Variants in TXNDC16 observed in about 807,000 individuals in gnomAD.
The protein encoded by TXNDC16 is thioredoxin domain-containing protein 16.
A neutral mutation model predicts 85.6 loss-of-function variants in TXNDC16; 74 were observed. That is an observed-to-expected ratio of 0.86 (90% CI 0.72 to 1.05). TXNDC16 has a LOEUF of 1.05. Among genes scored for constraint, TXNDC16 ranks in the 50% least tolerant of loss-of-function variants. TXNDC16 has a pLI of 0.00. For synonymous variants in TXNDC16, 335 were observed against 326.5 expected, an observed-to-expected ratio of 1.03 and a Z score of -0.28; for missense variants, 959 against 947.0, an observed-to-expected ratio of 1.01 and a Z score of -0.17.
intron 16 of TXNDC16, among the ~76,000 whole-genome samples, chr14:52,459,736 T>A (rs902776767): frequency 1.3e-5 from 2 of 152,196 alleles, no homozygotes; most frequent in Non-Finnish European, 1.5e-5. Flanking sequence ...GTAGGCTTCA[T>A]CCCTGGGATG....
chr14:52,438,884 T>C (rs546353492), intron 20 of TXNDC16, among the ~76,000 whole-genome samples: 9 of 152,328 alleles, frequency 5.9e-5, no homozygotes, highest in South Asian at 2.1e-4. Flanking sequence ...ATGAAATACT[T>C]ATGCTTTGGT....
At chr14:52,542,270 A>G in intron 4 of TXNDC16, 101 bp downstream of exon 4, 1 of 770,886 alleles carries the variant, frequency 1.3e-6, no homozygotes, top group Non-Finnish European at 2.1e-6. Context: ...TCCAGTTTGG[A>G]AAAAGATATG....
At chr14:52,474,027 G>A (rs2140135977) in intron 14 of TXNDC16, among the ~76,000 whole-genome samples, 1 of 152,216 alleles carries the variant, frequency 6.6e-6, no homozygotes, top group East Asian at 1.9e-4. Context: ...TCTGATATCT[G>A]ATTACCAAAA....
At chr14:52,477,517 G>T (rs1433399424) in intron 14 of TXNDC16, among the ~76,000 whole-genome samples, 1 of 152,100 alleles carries the variant, frequency 6.6e-6, no homozygotes, top group South Asian at 2.1e-4. Context: ...GCGAGCAGGG[G>T]TAGCTATTCT....
intron 9 of TXNDC16, among the ~76,000 whole-genome samples, chr14:52,492,753 G>A (rs1473689979): frequency 6.6e-6 from 1 of 152,134 alleles, no homozygotes; most frequent in African/African-American, 2.4e-5. Context: ...CAGTCAGGGG[G>A]CAGAAATGTC....
intron 14 of TXNDC16, among the ~76,000 whole-genome samples, chr14:52,477,432 C>G (rs1159218959): frequency 2.6e-5 from 4 of 152,042 alleles, no homozygotes; most frequent in African/African-American, 9.7e-5. Flanking sequence ...AAGAGACACA[C>G]CTAACACATA....
At chr14:52,497,247 C>T (rs1012427293) in intron 9 of TXNDC16, among the ~76,000 whole-genome samples, 2 of 152,134 alleles carry the variant, frequency 1.3e-5, no homozygotes, top group East Asian at 3.9e-4. Flanking sequence ...GAAATAAATT[C>T]TTAGAGACAT....
chr14:52,451,333 T>G (rs2035407444), intron 18 of TXNDC16, among the ~76,000 whole-genome samples: 1 of 150,922 alleles, frequency 6.6e-6, no homozygotes, highest in Admixed American at 6.6e-5. Flanking sequence ...AAGGAGTAAT[T>G]CCAAACTCAT....
intron 16 of TXNDC16, among the ~76,000 whole-genome samples, chr14:52,459,906 A>G (rs2035615723): frequency 6.6e-6 from 1 of 152,170 alleles, no homozygotes; most frequent in Admixed American, 6.6e-5. Flanking sequence ...CTGAAGAAAC[A>G]CACCTCAATA....
In TXNDC16 at chr14:52,514,910, G is replaced by T; in HGVS notation, c.575C>A (p.Thr192Asn). 6.2e-7 allele frequency: 1 copy of T among 1,612,510 alleles called. No individual in the cohort carries two copies. The highest frequency in any genetic ancestry group is 8.5e-7 in the Non-Finnish European group (1 of 1,178,952). The change falls in exon 8 of 21, where the codon ACC becomes AAC. Residue 192 changes from threonine to asparagine, a missense_variant. Thr to Asn is a moderately conservative substitution (Grantham distance 65). Coordinates refer to ENST00000281741, the MANE Select transcript of TXNDC16 (RefSeq NM_020784.3). ...ACTTTCCAAAAGGGCAATTTCTGTG[G>T]TTAAGACAAATTGGTATGTAGTCCC... Reference protein sequence around the residue: ...VYGTTYQFVLTTEIALLESIG... With the variant: ...VYGTTYQFVLNTEIALLESIG...
At chr14:52,542,123 A>C (rs2037843951) in intron 4 of TXNDC16, among the ~76,000 whole-genome samples, 1 of 152,172 alleles carries the variant, frequency 6.6e-6, no homozygotes, top group African/African-American at 2.4e-5. Flanking sequence ...GCCCAATAGA[A>C]TGGTTTATAA....
intron 6 of TXNDC16, among the ~76,000 whole-genome samples, chr14:52,534,442 G>A (rs2037653495): frequency 6.6e-6 from 1 of 152,098 alleles, no homozygotes; most frequent in African/African-American, 2.4e-5. Flanking sequence ...TATCATTAGT[G>A]TACTTTATGT....
intron 19 of TXNDC16, among the ~76,000 whole-genome samples, chr14:52,440,236 A>G (rs2035134298): frequency 1.3e-5 from 2 of 152,222 alleles, no homozygotes; most frequent in African/African-American, 4.8e-5. Context: ...TTAAAAATAT[A>G]GAAGTACAGA....
intron 14 of TXNDC16, among the ~76,000 whole-genome samples, chr14:52,479,204 A>C (rs1345967389): frequency 6.6e-6 from 1 of 152,204 alleles, no homozygotes; most frequent in East Asian, 1.9e-4. Context: ...CACAGCCAAC[A>C]TAATACTGCA....
At chr14:52,449,387 G>C (rs2035356762) in intron 18 of TXNDC16, among the ~76,000 whole-genome samples, 1 of 152,030 alleles carries the variant, frequency 6.6e-6, no homozygotes, top group South Asian at 2.1e-4. Flanking sequence ...GGTCAATATA[G>C]CAAGAAGATA....
intron 9 of TXNDC16, among the ~76,000 whole-genome samples, chr14:52,504,099 A>G (rs2036730012): frequency 1.3e-5 from 2 of 152,214 alleles, no homozygotes; most frequent in Admixed American, 1.3e-4. Context: ...TCTGACTGGT[A>G]TACCTGAAAG....
intron 18 of TXNDC16, among the ~76,000 whole-genome samples, chr14:52,450,029 C>T (rs1195803660): frequency 2.0e-5 from 3 of 151,760 alleles, no homozygotes; most frequent in Non-Finnish European, 4.4e-5. Flanking sequence ...ACCTAAAGAA[C>T]TAGAAAAGCA....
intron 16 of TXNDC16, among the ~76,000 whole-genome samples, chr14:52,464,117 TA>T (rs905643486): frequency 6.6e-6 from 1 of 152,230 alleles, no homozygotes; most frequent in Non-Finnish European, 1.5e-5. Flanking sequence ...TGTGTAAAAA[TA>T]TGATCAAGTA....
At position 52,471,140 on chromosome 14, in the gene TXNDC16, T is replaced by C. The variant is rs146954215; in HGVS notation, c.1313-460A>G. On this transcript the variant is annotated intron_variant, in intron 14 of 20. Coordinates refer to ENST00000281741, the MANE Select transcript of TXNDC16 (RefSeq NM_020784.3). ...AAACCATATATGGTTTCTTTTCTGT[T>C]TGTTGGTGAACGTTGCTGCTCTTGT... Among the ~76,000 whole-genome samples, 253 of 152,368 alleles carry C rather than the reference T, an allele frequency of 1.7e-3. 2 individuals carry two copies. Among genetic ancestry groups the C allele is most frequent in the South Asian group, 8.3e-3 (40 of 4,824 alleles).
Sources: allele counts gnomAD v4.1 joint callset (sites outside exome capture counted in the v4.1 genomes callset), GRCh38; gene constraint gnomAD v4.1.1; transcripts MANE v1.5; gene names NCBI Gene and HGNC (gene_info 2026-07-23, HGNC 2026-07-21).